The following WFS1 variants were observed in gnomAD, a reference collection of about 807,000 sequenced individuals.
WFS1 encodes the protein wolframin ER transmembrane glycoprotein, also known as wolframin.
Under a neutral mutation model 68.5 loss-of-function variants are expected in WFS1, and 90 were observed. The ratio of observed to expected loss-of-function variants is 1.31; its 90% CI spans 1.11 to 1.56. The LOEUF (loss-of-function observed/expected upper bound fraction) is 1.56, where lower values mean the gene tolerates loss of function less well. WFS1 is among the 40% of genes most tolerant of loss of function. WFS1 has a pLI of 0.00. For synonymous variants in WFS1, 860 were observed against 540.7 expected (o/e 1.59, Z -8.19); for missense variants, 1,767 against 1,232.6 (o/e 1.43, Z -6.49).
At chr4:6,273,314 C>G (rs1377202928) in intron 1 of WFS1, among the ~76,000 whole-genome samples, 4 of 152,228 alleles carry the variant, frequency 2.6e-5, no homozygotes, top group Non-Finnish European at 4.4e-5. Context: ...AAAAATATGC[C>G]TCATTGCTCA....
At chr4:6,299,711 A>G (rs1578606680) in intron 7 of WFS1, among the ~76,000 whole-genome samples, 1 of 73,734 alleles carries the variant, frequency 1.4e-5, no homozygotes, top group African/African-American at 5.6e-5. Context: ...ATGTGTGTGT[A>G]GGGGTGGGTT....
intron 7 of WFS1, among the ~76,000 whole-genome samples, chr4:6,298,461 C>T (rs887708005): frequency 4.6e-5 from 7 of 152,250 alleles, no homozygotes; most frequent in East Asian, 1.9e-4. Context: ...GCTAGGGGAG[C>T]TGTTAGCTGC....
At position 6,301,366 on chromosome 4, in the gene WFS1, T is replaced by G; in HGVS notation, c.1571T>G (p.Phe524Cys). ...TTCCGCATGGCACAGCTGAGGAATT[T>G]CAAGGGCACCTACTGCTACCTTGTG... Reference protein sequence around the residue: ...LFFRMAQLRNFKGTYCYLVPY... With the variant: ...LFFRMAQLRNCKGTYCYLVPY... Residue 524 changes from phenylalanine to cysteine, a missense_variant, in exon 8 of 8, where the codon TTC becomes TGC. By Grantham distance (205) the Phe-to-Cys change is radical. Transcript: ENST00000226760. 6.2e-7 allele frequency: 1 copy of G among 1,612,564 alleles called. No homozygotes were observed. The highest frequency in any genetic ancestry group is 8.5e-7 in the Non-Finnish European group (1 of 1,180,032).
chr4:6,271,129 C>T (rs1729826715), intron 1 of WFS1, among the ~76,000 whole-genome samples: 1 of 152,222 alleles, frequency 6.6e-6, no homozygotes, highest in African/African-American at 2.4e-5. Flanking sequence ...AGGGAGCCCA[C>T]GGGAAGCCCA....
Position 6,301,030 on chromosome 4 carries a change from T to A in WFS1, c.1235T>A (p.Val412Asp), listed in dbSNP as rs144951440. 10 of 1,614,094 alleles carry A rather than the reference T, an allele frequency of 6.2e-6. No homozygotes were observed. The South Asian group carries it at 8.8e-5, about 14-fold the overall frequency. Reference protein sequence around the residue: ...LEPYAHFLLSVFFVIFSFPIA... With the variant: ...LEPYAHFLLSDFFVIFSFPIA... ...CCCTATGCCCATTTCCTGCTCTCTG[T>A]CTTCTTCGTCATCTTCTCCTTCCCC... The change falls in exon 8 of 8, where the codon GTC (valine) becomes GAC (aspartate). Residue 412 changes from valine to aspartate, a missense_variant. Physicochemically the swap from Val to Asp is radical, Grantham distance 152. Transcript: ENST00000226760.
intron 2 of WFS1, among the ~76,000 whole-genome samples, chr4:6,284,065 T>A (rs1041870715): frequency 1.3e-5 from 2 of 151,988 alleles, no homozygotes; most frequent in African/African-American, 4.8e-5. Context: ...GAAGAGGGTG[T>A]GTGTCCATCT....
At chr4:6,293,259 G>C (rs562039945) in intron 6 of WFS1, among the ~76,000 whole-genome samples, 5 of 152,292 alleles carry the variant, frequency 3.3e-5, no homozygotes, top group African/African-American at 1.2e-4. Flanking sequence ...CTGCTGCTGG[G>C]CCCTGTCGCT....
intron 7 of WFS1, among the ~76,000 whole-genome samples, chr4:6,299,491 CGT>C (rs928638799): frequency 2.4e-5 from 3 of 122,684 alleles, no homozygotes; most frequent in African/African-American, 3.4e-5. Flanking sequence ...TGGGTGTGCA[CGT>C]GTGTGTAGGG....
Position 6,291,623 on chromosome 4 carries a change from T to C in WFS1, c.631+256T>C, listed in dbSNP as rs10012946. Among the ~76,000 whole-genome samples the C allele has an allele frequency of 0.64, 97,365 of 152,098 alleles. 31,772 individuals carry two copies. The highest frequency in any genetic ancestry group is 0.94 in the East Asian group (4,828 of 5,162). On this transcript the variant is annotated intron_variant, in intron 5 of 7. Coordinates refer to ENST00000226760, the MANE Select transcript of WFS1 (RefSeq NM_006005.3). The stretch of plus-strand genomic sequence containing the variant: ...CTGCCCTGGCTCAAGTGCTCACTCA[T>C]TGAATAAACCAGAGGGTATTCTGCC...
rs116795180 is a variant in WFS1, at chr4:6,290,705, C to A, written c.461-492C>A. ...CTGACCAGCGGTAAAACCTGCTCTC[C>A]CTCTCCCCGCTGTCCAAGCCTTCCT... is the stretch of plus-strand genomic sequence containing the variant. On this transcript the variant is annotated intron_variant, in intron 4 of 7. Transcript: ENST00000226760. Among the ~76,000 whole-genome samples the A allele has an allele frequency of 2.4e-3, 360 of 151,844 alleles. 3 individuals are homozygous for A. Among genetic ancestry groups the A allele is most frequent in the African/African-American group, 7.3e-3 (303 of 41,532 alleles).
chr4:6,295,288 G>A lies in WFS1; in HGVS notation c.861+99G>A, dbSNP rs573056295. ...CAGGAAGCTGCAGGTGGGGAGGTTC[G>A]CGCCTAACAAAGAGTGTCTTACAGC... On this transcript the variant is annotated intron_variant, in intron 7 of 7. Coordinates refer to ENST00000226760, the MANE Select transcript of WFS1 (RefSeq NM_006005.3). The A allele has an allele frequency of 7.5e-6, 11 of 1,475,334 alleles. No individual in the cohort carries two copies. The Admixed American group carries it at 1.2e-4, about 16-fold the overall frequency. 91.4% of individuals were successfully genotyped at this position (1,475,334 alleles called of 1,614,324 possible).
In WFS1 at chr4:6,287,944, C is replaced by T. The variant is rs569178711; in HGVS notation, c.315+769C>T. ...TAAATTAAGAATTTCTGGCTGGGAG[C>T]GGTGGCTCACGCCTGTAATCCCAGC... On this transcript the variant is annotated intron_variant, in intron 3 of 7. Transcript: ENST00000226760. The surrounding 1 kb of genome is among the most constrained non-coding windows in gnomAD (Gnocchi z 6.4). 6.6e-6 allele frequency among the ~76,000 whole-genome samples: 1 copy of T among 152,252 alleles called. No individual in the cohort carries two copies. The highest frequency in any genetic ancestry group is 2.1e-4 in the South Asian group (1 of 4,820).
intron 2 of WFS1, among the ~76,000 whole-genome samples, chr4:6,285,746 G>A (rs1464902948): frequency 1.3e-5 from 2 of 152,296 alleles, no homozygotes. Context: ...CTGCAGAGCC[G>A]GTTCAGAGCC....
Position 6,292,004 on chromosome 4 carries a change from G to A in WFS1, c.712+7G>A, listed in dbSNP as rs2109117237. On this transcript the variant is annotated splice_region_variant and intron_variant, in intron 6 of 7. Transcript: ENST00000226760. ...CGCCTGGTCAGCAGCGAGTGTGAGT[G>A]CAGCCCCTGCCCCGTCTCACCCATG... 6.2e-7 allele frequency: 1 copy of A among 1,602,202 alleles called. No homozygotes were observed.
chr4:6,301,954 T>C lies in WFS1; in HGVS notation c.2159T>C (p.Ile720Thr), dbSNP rs1184705440. ...TDIDNSAESA[I>T]NMLPFFIGDW... is the part of the protein sequence containing the mutation. ...ATCGACAACAGCGCCGAGTCTGCCA[T>C]CAACATGCTCCCGTTCTTCATCGGC... The change falls in exon 8 of 8, where the codon ATC (isoleucine) becomes ACC (threonine). Residue 720 changes from isoleucine to threonine, a missense_variant. Physicochemically the swap from Ile to Thr is moderately conservative, Grantham distance 89 (BLOSUM62 -1). Transcript: ENST00000226760. The C allele has an allele frequency of 6.2e-7, 1 of 1,612,828 alleles. No individual in the cohort carries two copies.
intron 2 of WFS1, among the ~76,000 whole-genome samples, chr4:6,284,379 A>T (rs901920698): frequency 6.6e-6 from 1 of 152,164 alleles, no homozygotes; most frequent in Non-Finnish European, 1.5e-5. Flanking sequence ...GTCTCAAAAA[A>T]TAATAATAAA....
In WFS1 at chr4:6,301,993, G is replaced by A. The variant is rs760425279; in HGVS notation, c.2198G>A (p.Cys733Tyr). 6.2e-7 allele frequency: 1 copy of A among 1,612,686 alleles called. No homozygotes were observed. Among genetic ancestry groups the A allele is most frequent in the Non-Finnish European group, 8.5e-7 (1 of 1,179,908 alleles). The change falls in exon 8 of 8, where the codon TGC (cysteine) becomes TAC (tyrosine). Residue 733 changes from cysteine (C) to tyrosine (Y), a missense_variant. By Grantham distance (194) the Cys-to-Tyr change is radical. Coordinates refer to ENST00000226760, the MANE Select transcript of WFS1 (RefSeq NM_006005.3). ...LPFFIGDWMR[C>Y]LYGEAYPACS... is the part of the protein sequence containing the mutation. ...TTCTTCATCGGCGACTGGATGCGCT[G>A]CCTCTACGGCGAGGCCTACCCTGCC...
rs566965548 is a variant in WFS1, at chr4:6,301,886, G to A, written c.2091G>A (p.Arg697=). Residue 697 remains arginine (R), a synonymous_variant, in exon 8 of 8, where the codon AGG becomes AGA. Transcript: ENST00000226760. ...QILCSHLEGH[R]VTWTGRFKYV... Reference sequence around the variant, plus strand: ...TCTGCAGCCACCTGGAGGGCCACAGGGTCACGTGGACCGGCCGCTTCAAGT... The same window carrying A: ...TCTGCAGCCACCTGGAGGGCCACAGAGTCACGTGGACCGGCCGCTTCAAGT... 6.2e-7 allele frequency: 1 copy of A among 1,612,894 alleles called. No homozygotes were observed. Among genetic ancestry groups the A allele is most frequent in the Non-Finnish European group, 8.5e-7 (1 of 1,179,838 alleles).
rs1281745640 is a variant in WFS1, at chr4:6,291,998, G to T, written c.712+1G>T. ...CTGGAGCGCCTGGTCAGCAGCGAGTGTGAGTGCAGCCCCTGCCCCGTCTCA... is the reference window on the plus strand; with the variant it reads ...CTGGAGCGCCTGGTCAGCAGCGAGTTTGAGTGCAGCCCCTGCCCCGTCTCA... On this transcript the variant is annotated splice_donor_variant, in intron 6 of 7. Transcript: ENST00000226760. LOFTEE classifies it high-confidence loss of function. The T allele has an allele frequency of 1.9e-6, 3 of 1,605,618 alleles. No homozygotes were observed. Among genetic ancestry groups the T allele is most frequent in the African/African-American group, 2.7e-5 (2 of 74,796 alleles).
Sources: allele counts gnomAD v4.1 joint callset (sites outside exome capture counted in the v4.1 genomes callset), GRCh38; gene constraint gnomAD v4.1.1; non-coding constraint Gnocchi (gnomAD v3.1); transcripts MANE v1.5; gene names NCBI Gene and HGNC (gene_info 2026-07-23, HGNC 2026-07-21).